Variants in IFT46 observed in about 807,000 individuals in gnomAD.
The protein encoded by IFT46 is intraflagellar transport 46.
Under a neutral mutation model 39.6 loss-of-function variants are expected in IFT46, and 19 were observed. The ratio of observed to expected loss-of-function variants is 0.48; its 90% CI spans 0.33 to 0.70. The LOEUF (loss-of-function observed/expected upper bound fraction) is 0.70. Ranked by LOEUF, IFT46 falls within the 30% of genes least tolerant of loss-of-function variation. The pLI, the probability that IFT46 is intolerant of heterozygous loss-of-function variation, is 0.01. For synonymous variants in IFT46, 117 were observed against 134.8 expected (o/e 0.87, Z 0.91); for missense variants, 334 against 364.8 (o/e 0.92, Z 0.69).
chr11:118,559,700 A>C, intron 3 of IFT46, 85 bp downstream of exon 3: 1 of 1,055,570 alleles, frequency 9.5e-7, no homozygotes, highest in Non-Finnish European at 1.5e-6. Flanking sequence ...GTGTTCAAGA[A>C]ATGTTTACCG....
intron 2 of IFT46, among the ~76,000 whole-genome samples, chr11:118,563,924 A>G (rs1406414181): frequency 2.0e-5 from 3 of 152,010 alleles, no homozygotes; most frequent in Non-Finnish European, 4.4e-5. Flanking sequence ...GTTTCTGGCC[A>G]GGTACGGTGG....
chr11:118,560,885 T>C (rs1363803535), intron 2 of IFT46: 1 of 790,638 alleles, frequency 1.3e-6, no homozygotes, highest in African/African-American at 1.7e-5. Flanking sequence ...TCAGACTGCT[T>C]ATGCCCGTAT....
intron 9 of IFT46, among the ~76,000 whole-genome samples, chr11:118,549,793 G>T (rs1591361295): frequency 6.6e-6 from 1 of 152,010 alleles, no homozygotes; most frequent in African/African-American, 2.4e-5. Flanking sequence ...AAAGTGCTGG[G>T]ATTACAGGCG....
In IFT46 at chr11:118,557,054, G is replaced by T; in HGVS notation, c.46-9C>A. 6.3e-7 allele frequency: 1 copy of T among 1,587,202 alleles called. No individual in the cohort carries two copies. Among genetic ancestry groups the T allele is most frequent in the Non-Finnish European group, 8.6e-7 (1 of 1,167,494 alleles). ...GAGGTCTTCTTCTTCTCCTGTGATA[G>T]GGCAGGGCAGGCATAGAAAGCTTCA... On this transcript the variant is annotated splice_polypyrimidine_tract_variant and intron_variant, in intron 3 of 11. Coordinates refer to ENST00000264021, the MANE Select transcript of IFT46 (RefSeq NM_001168618.2).
chr11:118,559,781 G>A lies in IFT46; in HGVS notation c.45+4C>T, dbSNP rs782434746. On this transcript the variant is annotated splice_donor_region_variant and intron_variant, in intron 3 of 11. Coordinates refer to ENST00000264021, the MANE Select transcript of IFT46 (RefSeq NM_001168618.2). ...TCTACAAGAAGCTGTGAGTTTTACT[G>A]TACCTTGTTATTTTCCTCTTCACAC... is the stretch of plus-strand genomic sequence containing the variant. 2.5e-6 allele frequency: 4 copies of A among 1,610,526 alleles called. No individual in the cohort carries two copies. The highest frequency in any genetic ancestry group is 2.7e-5 in the African/African-American group (2 of 74,834).
intron 2 of IFT46, among the ~76,000 whole-genome samples, chr11:118,564,142 T>A (rs566241366): frequency 5.0e-4 from 64 of 127,006 alleles, no homozygotes; most frequent in African/African-American, 1.9e-3. Context: ...TGAGCCAAGA[T>A]CGCACCACTG....
At chr11:118,575,726 A>G (rs1555073415), upstream of IFT46, among the ~76,000 whole-genome samples, 1 of 152,186 alleles carries the variant, frequency 6.6e-6, no homozygotes, top group Non-Finnish European at 1.5e-5. Context: ...TTCTGGAAGT[A>G]AGGGATCCTG....
In IFT46 at chr11:118,545,398, G is replaced by A. The variant is rs782303717; in HGVS notation, c.819+11C>T. ...TCTACAGCTTAAGTCAACCCCTGAT[G>A]CTTGGCTCACCTGTGAGTTCTTGAA... On this transcript the variant is annotated intron_variant, in intron 11 of 11. Transcript: ENST00000264021. 1.9e-6 allele frequency: 3 copies of A among 1,590,944 alleles called. No homozygotes were observed. The South Asian group carries it at 3.3e-5, about 18-fold the overall frequency.
intron 3 of IFT46, among the ~76,000 whole-genome samples, chr11:118,558,183 G>T (rs1937905631): frequency 6.6e-6 from 1 of 152,216 alleles, no homozygotes; most frequent in South Asian, 2.1e-4. Flanking sequence ...AATTTATTCA[G>T]TGACTATGCC....
intron 2 of IFT46, chr11:118,560,685 G>A (rs545394528): frequency 8.8e-5 from 50 of 567,242 alleles, no homozygotes; most frequent in African/African-American, 7.8e-4. Context: ...TCTCTGTTCC[G>A]CAGAATGGGG....
chr11:118,566,846 G>A (rs185643082), upstream of IFT46, among the ~76,000 whole-genome samples: 55 of 152,330 alleles, frequency 3.6e-4, no homozygotes, highest in African/African-American at 1.0e-3. Flanking sequence ...TCATTGGGTG[G>A]ATGAATCGAG....
chr11:118,576,882 G>C (rs9735421), upstream of IFT46, among the ~76,000 whole-genome samples: 6 of 152,044 alleles, frequency 3.9e-5, no homozygotes, highest in African/African-American at 1.4e-4. Flanking sequence ...TCATCTTGAC[G>C]TACTGAAAGC....
intron 2 of IFT46, chr11:118,561,537 AGG>A: frequency 5.6e-6 from 4 of 709,844 alleles, no homozygotes; most frequent in Non-Finnish European, 7.6e-6. Flanking sequence ...GCTTAAAAGA[AGG>A]CAAGCTCCCT....
At chr11:118,572,062 C>G (rs1169039203) in intron 1 of IFT46, among the ~76,000 whole-genome samples, 1 of 149,598 alleles carries the variant, frequency 6.7e-6, no homozygotes, top group Non-Finnish European at 1.5e-5. Context: ...TGCACTCCAG[C>G]CTGGGCGACA....
chr11:118,557,733 C>T (rs1937888356), intron 3 of IFT46: 2 of 1,613,782 alleles, frequency 1.2e-6, no homozygotes, highest in African/African-American at 1.3e-5. Context: ...GACATTATAA[C>T]CTACCTTTCT....
chr11:118,570,343 A>G (rs1393490829), upstream of IFT46, among the ~76,000 whole-genome samples: 8 of 151,968 alleles, frequency 5.3e-5, no homozygotes, highest in Non-Finnish European at 1.5e-5. Context: ...TACAGGCGTG[A>G]GCCACCGCGC....
In IFT46 at chr11:118,552,286, G is replaced by C. The variant is rs782319291; in HGVS notation, c.533C>G (p.Ala178Gly). Residue 178 changes from alanine to glycine, a missense_variant, in exon 8 of 12, where the codon GCC becomes GGC. Physicochemically the swap from Ala to Gly is moderately conservative, Grantham distance 60. Coordinates refer to ENST00000264021, the MANE Select transcript of IFT46 (RefSeq NM_001168618.2). Reference sequence around the variant, plus strand: ...GATGCTCTCAATCCACGTGTCAATGGCTTTGGGATTCTTTTCTGCATCTTC... The same window carrying C: ...GATGCTCTCAATCCACGTGTCAATGCCTTTGGGATTCTTTTCTGCATCTTC... ...SLEDAEKNPK[A>G]IDTWIESISE... 9.3e-6 allele frequency: 15 copies of C among 1,614,060 alleles called. No individual in the cohort carries two copies. Among genetic ancestry groups the C allele is most frequent in the Non-Finnish European group, 1.1e-5 (13 of 1,180,026 alleles).
chr11:118,573,668 G>A (rs1555072885), upstream of IFT46: 1 of 702,770 alleles, frequency 1.4e-6, no homozygotes, highest in African/African-American at 1.7e-5. Flanking sequence ...ATGGCAGAAT[G>A]TAATTTGGTG....
exon 1 of IFT46, chr11:118,572,688 C>A: frequency 1.8e-6 from 2 of 1,091,482 alleles, no homozygotes; most frequent in Non-Finnish European, 2.7e-6. Context: ...GCTCGGGGAG[C>A]AGTGTGGCCT....
Sources: gnomAD v4.1 joint callset for allele counts (sites outside exome capture counted in the v4.1 genomes callset) on GRCh38, gnomAD v4.1.1 for gene constraint, MANE v1.5 for transcripts, NCBI Gene and HGNC (gene_info 2026-07-23, HGNC 2026-07-21) for gene names.